The following CLTA variants were observed in gnomAD, a reference collection of about 807,000 sequenced individuals.
CLTA encodes clathrin light chain A, also known as clathrin, light polypeptide (Lca).
In CLTA, 9 loss-of-function variants were observed where a neutral mutation model predicts 26.9. That is an observed-to-expected ratio of 0.33 (90% CI 0.20 to 0.58). The LOEUF is 0.58. CLTA is among the 20% of genes least tolerant of loss of function. CLTA has a pLI of 0.85. For missense variants in CLTA, 278 were observed against 294.2 expected, an observed-to-expected ratio of 0.94 and a Z score of 0.40; for synonymous variants, 120 against 115.5, an observed-to-expected ratio of 1.04 and a Z score of -0.25.
At chr9:36,198,331 C>T (rs778318183) in intron 2 of CLTA, among the ~76,000 whole-genome samples, 6 of 151,782 alleles carry the variant, frequency 4.0e-5, no homozygotes, top group Non-Finnish European at 5.9e-5. Flanking sequence ...CTGCAGAACC[C>T]GTTTCTAACA....
At chr9:36,195,051 G>C (rs1041292190) in intron 1 of CLTA, among the ~76,000 whole-genome samples, 3 of 152,084 alleles carry the variant, frequency 2.0e-5, no homozygotes, top group Admixed American at 1.3e-4. Context: ...GTGGATAGTT[G>C]GTATGTCAAT....
At position 36,191,016 on chromosome 9, in the gene CLTA, T is replaced by G; in HGVS notation, c.-41T>G. ...CGTGGTGTCGGTGGGTCGGTTGGTT[T>G]TTGTCTCACCGTTGGTGTCCGTGCC... is the stretch of plus-strand genomic sequence containing the variant. On this transcript the variant is annotated 5_prime_UTR_variant, in exon 1 of 5. Coordinates refer to ENST00000345519, the MANE Select transcript of CLTA (RefSeq NM_001833.4). The G allele has an allele frequency of 6.7e-7, 1 of 1,485,192 alleles. No individual in the cohort carries two copies. The highest frequency in any genetic ancestry group is 8.9e-7 in the Non-Finnish European group (1 of 1,128,042). 92.0% of individuals were successfully genotyped at this position (1,485,192 alleles called of 1,614,324 possible).
rs555116852 is a variant in CLTA at position 36,201,950 on chromosome 9, A to G, written c.374-2118A>G. Among the ~76,000 whole-genome samples the G allele has an allele frequency of 3.4e-5, 5 of 145,724 alleles. No homozygotes were observed. In the East Asian group the frequency reaches 9.9e-4, roughly 29 times the overall value. ...ACCATAGTGAGACCCTATCTCTACT[A>G]AAAAAAAAAAATTAGCTGGGGGTTG... On this transcript the variant is annotated intron_variant, in intron 3 of 4. Coordinates refer to ENST00000345519, the MANE Select transcript of CLTA (RefSeq NM_001833.4).
At chr9:36,209,926 A>G (rs1050159490) in intron 4 of CLTA, among the ~76,000 whole-genome samples, 6 of 152,104 alleles carry the variant, frequency 3.9e-5, no homozygotes, top group African/African-American at 4.8e-5. Context: ...AGAAATTGCT[A>G]TTTAGTGGTC....
chr9:36,207,525 C>T (rs7851157), intron 4 of CLTA, among the ~76,000 whole-genome samples: 3 of 152,174 alleles, frequency 2.0e-5, no homozygotes, highest in Non-Finnish European at 4.4e-5. Flanking sequence ...AGAGCTTGTC[C>T]TAGGTCAGGT....
chr9:36,206,299 G>C (rs1827721709), intron 4 of CLTA, among the ~76,000 whole-genome samples: 1 of 148,832 alleles, frequency 6.7e-6, no homozygotes, highest in African/African-American at 2.5e-5. Flanking sequence ...ACTCTTGAGA[G>C]CATAACGCTA....
rs1236418433 is a variant in CLTA, at chr9:36,204,378, T to C, written c.485+199T>C. 2.6e-5 allele frequency among the ~76,000 whole-genome samples: 4 copies of C among 152,358 alleles called. No individual in the cohort carries two copies. The East Asian group carries it at 7.7e-4, about 29-fold the overall frequency. On this transcript the variant is annotated intron_variant, in intron 4 of 4. Coordinates refer to ENST00000345519, the MANE Select transcript of CLTA (RefSeq NM_001833.4). ...CCCTATTGTTTAGCCATCCCAATTG[T>C]AGTGAGCTTAGCTCTCTGAGAGTTT...
chr9:36,198,603 C>T (rs1827192451), intron 2 of CLTA, among the ~76,000 whole-genome samples: 1 of 151,326 alleles, frequency 6.6e-6, no homozygotes, highest in Non-Finnish European at 1.5e-5. Flanking sequence ...TTTGCTTGAA[C>T]CCGGGGAGTA....
chr9:36,210,604 TTTC>T, intron 4 of CLTA: 7 of 1,614,156 alleles, frequency 4.3e-6, no homozygotes, highest in Non-Finnish European at 5.9e-6. Context: ...TCTCGTTTCT[TTTC>T]TTCTCTTCAC....
intron 2 of CLTA, among the ~76,000 whole-genome samples, chr9:36,198,215 C>T (rs1827167926): frequency 6.6e-6 from 1 of 151,708 alleles, no homozygotes; most frequent in African/African-American, 2.4e-5. Flanking sequence ...CCAGGCAGGT[C>T]TTGAACTCCT....
At chr9:36,203,213 C>A (rs1488198561) in intron 3 of CLTA, among the ~76,000 whole-genome samples, 1 of 152,136 alleles carries the variant, frequency 6.6e-6, no homozygotes, top group African/African-American at 2.4e-5. Flanking sequence ...ATATTTAGTC[C>A]TCAGAAACTT....
chr9:36,207,297 G>A (rs1001421115), intron 4 of CLTA, among the ~76,000 whole-genome samples: 1 of 152,252 alleles, frequency 6.6e-6, no homozygotes, highest in Non-Finnish European at 1.5e-5. Flanking sequence ...TAGCCAGCCA[G>A]CCAGAGCAGT....
Position 36,211,901 on chromosome 9 carries a change from T to A in CLTA, c.*127T>A. The A allele has an allele frequency of 2.6e-6, 2 of 769,758 alleles. No homozygotes were observed. The highest frequency in any genetic ancestry group is 3.4e-5 in the South Asian group (2 of 58,434). 47.7% of individuals were successfully genotyped at this position (769,758 alleles called of 1,614,324 possible). A position where few individuals can be genotyped will look rare whatever the true frequency, so the allele number is the denominator to read the frequency against. Reference sequence around the variant, plus strand: ...ACCTTTTTGTCTTTAGAGTTGTTCATTGTTTGTGATTGCATGTTTCCTTCC... The same window carrying A: ...ACCTTTTTGTCTTTAGAGTTGTTCAATGTTTGTGATTGCATGTTTCCTTCC... On this transcript the variant is annotated 3_prime_UTR_variant, in exon 5 of 5. Transcript: ENST00000345519.
At chr9:36,198,107 C>T (rs1024012020) in intron 2 of CLTA, among the ~76,000 whole-genome samples, 38 of 148,558 alleles carry the variant, frequency 2.6e-4, no homozygotes, top group African/African-American at 9.0e-4. Context: ...AGCGATTCAT[C>T]CACTTCAGCC....
At position 36,211,822 on chromosome 9, in the gene CLTA, C is replaced by T. The variant is rs761044465; in HGVS notation, c.*48C>T. 5 of 1,449,128 alleles carry T rather than the reference C, an allele frequency of 3.5e-6. No individual in the cohort carries two copies. The Admixed American group carries it at 7.5e-5, about 22-fold the overall frequency. The allele number at this position is 1,449,128 out of a possible 1,614,324, so 89.8% of individuals were successfully genotyped here. A position where few individuals can be genotyped will look rare whatever the true frequency, so the allele number is the denominator to read the frequency against. On this transcript the variant is annotated 3_prime_UTR_variant, in exon 5 of 5. Transcript: ENST00000345519. ...ACATCTGCAATATCTTAATCCTACT[C>T]AGTGAAGCTCTTCACAGTCATTGGA...
chr9:36,193,622 A>G (rs1192226366), intron 1 of CLTA, among the ~76,000 whole-genome samples: 1 of 125,502 alleles, frequency 8.0e-6, no homozygotes, highest in Non-Finnish European at 1.6e-5. Flanking sequence ...TACTGAGTAA[A>G]TTGAGGTTTT....
chr9:36,192,345 T>A (rs1445082960), intron 1 of CLTA, among the ~76,000 whole-genome samples: 1 of 152,184 alleles, frequency 6.6e-6, no homozygotes, highest in Non-Finnish European at 1.5e-5. Flanking sequence ...GTGCTCTGTG[T>A]AAAGGCATTC....
At chr9:36,192,947 C>A (rs1317864175) in intron 1 of CLTA, among the ~76,000 whole-genome samples, 3 of 152,184 alleles carry the variant, frequency 2.0e-5, no homozygotes, top group African/African-American at 7.2e-5. Context: ...GTTTTATCTC[C>A]ACTGCCTAGC....
chr9:36,194,159 G>A (rs2132856551), intron 1 of CLTA, among the ~76,000 whole-genome samples: 1 of 152,172 alleles, frequency 6.6e-6, no homozygotes, highest in East Asian at 1.9e-4. Context: ...CCGAGTAGCT[G>A]GGATTACAGG....
Sources: allele counts gnomAD v4.1 joint callset (sites outside exome capture counted in the v4.1 genomes callset), GRCh38; gene constraint gnomAD v4.1.1; transcripts MANE v1.5; gene names NCBI Gene and HGNC (gene_info 2026-07-23, HGNC 2026-07-21).